CPNE8: variants seen among roughly 807,000 people sequenced by gnomAD.
CPNE8 encodes copine 8.
Under a neutral mutation model 81.5 loss-of-function variants are expected in CPNE8, and 45 were observed. That is an observed-to-expected ratio of 0.55 (90% confidence interval 0.44 to 0.71). The LOEUF is 0.71. Ranked by LOEUF, CPNE8 falls within the 30% of genes least tolerant of loss-of-function variation. The pLI, the probability that CPNE8 is intolerant of heterozygous loss-of-function variation, is 0.00. For synonymous variants in CPNE8, 252 were observed against 226.3 expected, an observed-to-expected ratio of 1.11 and a Z score of -1.02; for missense variants, 594 against 672.1, an observed-to-expected ratio of 0.88 and a Z score of 1.28.
chr12:38,655,792 T>G (rs1369580972), intron 19 of CPNE8, among the ~76,000 whole-genome samples: 1 of 152,088 alleles, frequency 6.6e-6, no homozygotes, highest in Non-Finnish European at 1.5e-5. Flanking sequence ...AGAAAACTAT[T>G]CCTTTCTTTT....
intron 6 of CPNE8, among the ~76,000 whole-genome samples, chr12:38,815,350 C>T (rs745771213): frequency 6.6e-5 from 10 of 152,284 alleles, no homozygotes; most frequent in African/African-American, 9.6e-5. Flanking sequence ...TCACCTTTTA[C>T]GCTGAGTAGA....
In CPNE8 at chr12:38,805,584, C is replaced by T. The variant is rs375779414; in HGVS notation, c.407+23795G>A. Among the ~76,000 whole-genome samples, 214 of 103,022 alleles carry T rather than the reference C, an allele frequency of 2.1e-3. 2 individuals are homozygous for T. The highest frequency in any genetic ancestry group is 8.6e-3 in the Middle Eastern group (2 of 232). 67.6% of individuals were successfully genotyped at this position (103,022 alleles called of 152,430 possible). ...CTAGATGACACGTTAGTGGGTGCAGCGCACCAGCATGGCACATGTATACAT... is the reference window on the plus strand; with the variant it reads ...CTAGATGACACGTTAGTGGGTGCAGTGCACCAGCATGGCACATGTATACAT... On this transcript the variant is annotated intron_variant, in intron 6 of 19. Coordinates refer to ENST00000331366, the MANE Select transcript of CPNE8 (RefSeq NM_153634.3).
chr12:38,903,604 C>A (rs1944520376), intron 1 of CPNE8, among the ~76,000 whole-genome samples: 1 of 152,172 alleles, frequency 6.6e-6, no homozygotes, highest in East Asian at 1.9e-4. Context: ...TGACAATATT[C>A]TTTTATATTC....
chr12:38,696,436 T>C (rs1005308741), intron 14 of CPNE8, among the ~76,000 whole-genome samples: 5 of 152,084 alleles, frequency 3.3e-5, no homozygotes, highest in Admixed American at 6.6e-5. Flanking sequence ...GGACAGTGTT[T>C]GTATTTCCTC....
intron 6 of CPNE8, among the ~76,000 whole-genome samples, chr12:38,815,363 T>A (rs1426806734): frequency 6.6e-6 from 1 of 152,216 alleles, no homozygotes; most frequent in African/African-American, 2.4e-5. Context: ...TGAGTAGATA[T>A]CATATTAAAT....
At chr12:38,691,558 C>T (rs1041461398) in intron 15 of CPNE8, among the ~76,000 whole-genome samples, 1 of 151,904 alleles carries the variant, frequency 6.6e-6, no homozygotes, top group Admixed American at 6.5e-5. Context: ...TTAGAGATTA[C>T]TGAAGTTGAA....
At chr12:38,731,028 G>A (rs1428809437) in intron 10 of CPNE8, among the ~76,000 whole-genome samples, 1 of 151,732 alleles carries the variant, frequency 6.6e-6, no homozygotes, top group African/African-American at 2.4e-5. Flanking sequence ...ATCAACTGAG[G>A]TTGACCTGTG....
intron 19 of CPNE8, among the ~76,000 whole-genome samples, chr12:38,657,673 T>A (rs1476571065): frequency 6.6e-6 from 1 of 151,948 alleles, no homozygotes; most frequent in African/African-American, 2.4e-5. Flanking sequence ...GGGACGAAGC[T>A]TCCAGAGGAA....
intron 8 of CPNE8, among the ~76,000 whole-genome samples, chr12:38,765,544 T>C (rs944064434): frequency 6.6e-6 from 1 of 152,114 alleles, no homozygotes; most frequent in African/African-American, 2.4e-5. Flanking sequence ...TATTAGGCAA[T>C]TTTTGAAATA....
At chr12:38,668,422 G>A (rs1011159459) in intron 19 of CPNE8, among the ~76,000 whole-genome samples, 1 of 152,128 alleles carries the variant, frequency 6.6e-6, no homozygotes, top group Non-Finnish European at 1.5e-5. Context: ...CAAATATGTT[G>A]TCACAAACAT....
At chr12:38,905,289 G>A in intron 1 of CPNE8, 148 bp downstream of exon 1, 1 of 825,062 alleles carries the variant, frequency 1.2e-6, no homozygotes, top group Non-Finnish European at 1.9e-6. Flanking sequence ...CCTGACCCGG[G>A]GTAACTCCAG....
intron 10 of CPNE8, among the ~76,000 whole-genome samples, chr12:38,748,563 T>C (rs826864): frequency 0.81 from 123,185 of 151,864 alleles, 52,758 homozygotes; most frequent in Middle Eastern, 0.97. Context: ...TGCAGTGGCG[T>C]GATCGCAGCT....
intron 10 of CPNE8, among the ~76,000 whole-genome samples, chr12:38,748,585 C>T (rs887454222): frequency 3.9e-4 from 60 of 152,028 alleles, no homozygotes; most frequent in Admixed American, 1.2e-3. Context: ...ACTGCAAGCT[C>T]TGCCTCCCTG....
chr12:38,697,689 G>A (rs1041540561), intron 14 of CPNE8, among the ~76,000 whole-genome samples: 5 of 152,008 alleles, frequency 3.3e-5, no homozygotes. Flanking sequence ...AGGTGTTTAG[G>A]TCATGGGGTA....
chr12:38,771,147 T>G (rs1195004094), intron 7 of CPNE8, among the ~76,000 whole-genome samples: 2 of 151,992 alleles, frequency 1.3e-5, no homozygotes, highest in East Asian at 3.9e-4. Context: ...TATGAAAAAT[T>G]TCAAGCTACT....
chr12:38,757,620 C>T (rs559798007), intron 10 of CPNE8, among the ~76,000 whole-genome samples: 12 of 151,998 alleles, frequency 7.9e-5, no homozygotes, highest in Admixed American at 7.2e-4. Context: ...CATCCACAAA[C>T]TGATCATTTT....
intron 19 of CPNE8, among the ~76,000 whole-genome samples, chr12:38,664,158 T>C (rs1006503032): frequency 6.6e-6 from 1 of 152,026 alleles, no homozygotes; most frequent in Non-Finnish European, 1.5e-5. Flanking sequence ...AAAATAAATG[T>C]CTGAGATATG....
chr12:38,738,118 C>T (rs1340071554), intron 10 of CPNE8, among the ~76,000 whole-genome samples: 2 of 152,112 alleles, frequency 1.3e-5, no homozygotes, highest in Non-Finnish European at 2.9e-5. Context: ...CACCAGTCTA[C>T]ATACTGTTCA....
intron 9 of CPNE8, 33 bp from the exon 10 acceptor site, chr12:38,760,921 CT>C: frequency 6.8e-7 from 1 of 1,475,282 alleles, no homozygotes; most frequent in Non-Finnish European, 9.2e-7. Flanking sequence ...CATAAAGTTA[CT>C]TAGTAAGATC....
Sources: allele counts gnomAD v4.1 joint callset (sites outside exome capture counted in the v4.1 genomes callset), GRCh38; gene constraint gnomAD v4.1.1; transcripts MANE v1.5; gene names NCBI Gene and HGNC (gene_info 2026-07-23, HGNC 2026-07-21).